The following CAPZA1 variants were observed in gnomAD, a reference collection of about 807,000 sequenced individuals.
The protein encoded by CAPZA1 is capping actin protein of muscle Z-line subunit alpha 1, also known as F-actin-capping protein subunit alpha-1.
A neutral mutation model predicts 40.8 loss-of-function variants in CAPZA1; 10 were observed. The observed-to-expected ratio is 0.25, with a 90% CI of 0.15 to 0.42. The LOEUF (loss-of-function observed/expected upper bound fraction) is 0.42, where lower values mean the gene tolerates loss of function less well. CAPZA1 is among the 10% of genes least tolerant of loss of function. The pLI, the probability that CAPZA1 is intolerant of heterozygous loss-of-function variation, is 1.00. For synonymous variants in CAPZA1, 98 were observed against 115.0 expected (o/e 0.85, Z 0.95); for missense variants, 277 against 353.8 (o/e 0.78, Z 1.74).
chr1:112,640,077 C>T (rs1671114762), intron 1 of CAPZA1, among the ~76,000 whole-genome samples: 2 of 129,502 alleles, frequency 1.5e-5, no homozygotes, highest in South Asian at 2.6e-4. Flanking sequence ...TCTGCCCGGC[C>T]GCCCCTACTG....
chr1:112,651,872 T>C (rs1671395180), intron 3 of CAPZA1, among the ~76,000 whole-genome samples: 1 of 152,076 alleles, frequency 6.6e-6, no homozygotes, highest in African/African-American at 2.4e-5. Context: ...TCCCAGCACT[T>C]TGGGAGGCCA....
chr1:112,667,478 C>T (rs1272636392), intron 8 of CAPZA1, among the ~76,000 whole-genome samples: 2 of 152,162 alleles, frequency 1.3e-5, no homozygotes, highest in African/African-American at 4.8e-5. Flanking sequence ...GCATTTATAT[C>T]ATTAGAGAAA....
chr1:112,652,235 A>G (rs1004187399), intron 3 of CAPZA1, among the ~76,000 whole-genome samples: 9 of 151,828 alleles, frequency 5.9e-5, no homozygotes, highest in South Asian at 2.1e-4. Context: ...TAATCCCAGC[A>G]CTTTGGGAGG....
Position 112,667,097 on chromosome 1 carries a change from T to C in CAPZA1, c.609T>C (p.Asn203=). The part of the protein sequence containing the change: ...KIQVHYYEDG[N]VQLVSHKDVQ... ...AGGTTCACTATTATGAAGATGGCAATGTTCAGTTGGTTAGTCATAAAGATG... is the reference window on the plus strand; with the variant it reads ...AGGTTCACTATTATGAAGATGGCAACGTTCAGTTGGTTAGTCATAAAGATG... The change falls in exon 8 of 10, where the codon AAT becomes AAC. Residue 203 remains asparagine, a synonymous_variant. Coordinates refer to ENST00000263168, the MANE Select transcript of CAPZA1 (RefSeq NM_006135.3). 4 of 1,612,684 alleles carry C rather than the reference T, an allele frequency of 2.5e-6. No individual in the cohort carries two copies. Among genetic ancestry groups the C allele is most frequent in the Non-Finnish European group, 3.4e-6 (4 of 1,179,386 alleles).
At chr1:112,621,449 G>A (rs1413970043) in intron 1 of CAPZA1, among the ~76,000 whole-genome samples, 1 of 152,012 alleles carries the variant, frequency 6.6e-6, no homozygotes, top group Non-Finnish European at 1.5e-5. Flanking sequence ...AGTGGGTTTC[G>A]TCTTGTTGCC....
At chr1:112,669,879 C>T in intron 9 of CAPZA1, 113 bp from the exon 10 acceptor site, 7 of 1,135,782 alleles carry the variant, frequency 6.2e-6, no homozygotes, top group East Asian at 2.4e-5. Context: ...ATAATATATC[C>T]TGTCTATCCT....
chr1:112,662,240 C>T (rs947916425), intron 7 of CAPZA1, among the ~76,000 whole-genome samples: 1 of 152,098 alleles, frequency 6.6e-6, no homozygotes, highest in Admixed American at 6.6e-5. Flanking sequence ...TCCCAAGCAC[C>T]TAGTGCTACA....
At chr1:112,653,408 G>A (rs998383276) in intron 3 of CAPZA1, among the ~76,000 whole-genome samples, 190 bp from the exon 4 acceptor site, 6 of 152,170 alleles carry the variant, frequency 3.9e-5, no homozygotes, top group Non-Finnish European at 5.9e-5. Context: ...CCGTAGAGAG[G>A]AGTCCCTTCA....
At chr1:112,628,636 T>C (rs1383380631) in intron 1 of CAPZA1, among the ~76,000 whole-genome samples, 1 of 152,228 alleles carries the variant, frequency 6.6e-6, no homozygotes, top group Non-Finnish European at 1.5e-5. Flanking sequence ...TATAACAGCA[T>C]TGGACATTTT....
chr1:112,637,137 T>G (rs1671035864), intron 1 of CAPZA1, among the ~76,000 whole-genome samples: 1 of 152,240 alleles, frequency 6.6e-6, no homozygotes, highest in Non-Finnish European at 1.5e-5. Flanking sequence ...CACCCATTTA[T>G]TATAAGCATG....
chr1:112,643,738 GGTTTCATCACAGAGCAGCTTTTCTTT>G (rs1197260577), intron 1 of CAPZA1, among the ~76,000 whole-genome samples: 4 of 152,122 alleles, frequency 2.6e-5, no homozygotes, highest in Non-Finnish European at 5.9e-5. Context: ...CTTGACTAAC[GGTTTCATCACAGAGCAGCTTTTCTTT>G]GTCCTTTTCA....
intron 1 of CAPZA1, among the ~76,000 whole-genome samples, chr1:112,632,078 G>A (rs1670929518): frequency 6.6e-6 from 1 of 152,244 alleles, no homozygotes; most frequent in African/African-American, 2.4e-5. Context: ...GTCAAGGCGG[G>A]CGGATCACCT....
chr1:112,623,324 T>A (rs1046948407), intron 1 of CAPZA1, among the ~76,000 whole-genome samples: 1 of 152,204 alleles, frequency 6.6e-6, no homozygotes, highest in Non-Finnish European at 1.5e-5. Flanking sequence ...ATTAAAACTG[T>A]CATTCTTCCA....
At chr1:112,665,580 A>G (rs1671709294) in intron 7 of CAPZA1, among the ~76,000 whole-genome samples, 1 of 152,214 alleles carries the variant, frequency 6.6e-6, no homozygotes, top group Non-Finnish European at 1.5e-5. Flanking sequence ...TAAGAAGTCC[A>G]AGATCAAGGT....
Position 112,647,494 on chromosome 1 carries a change from A to T in CAPZA1, c.103+221A>T, listed in dbSNP as rs551445507. ...TAAAGCTCCTAACCCATAAATTAGG[A>T]TGCCTATCTTATGTGAGAAAAGATT... On this transcript the variant is annotated intron_variant, in intron 2 of 9. Coordinates refer to ENST00000263168, the MANE Select transcript of CAPZA1 (RefSeq NM_006135.3). Among the ~76,000 whole-genome samples, 20 of 152,384 alleles carry T rather than the reference A, an allele frequency of 1.3e-4. 1 individual carries two copies. In the South Asian group the frequency reaches 3.9e-3, roughly 30 times the overall value.
At chr1:112,643,414 A>G (rs1333519333) in intron 1 of CAPZA1, among the ~76,000 whole-genome samples, 1 of 152,162 alleles carries the variant, frequency 6.6e-6, no homozygotes, top group African/African-American at 2.4e-5. Context: ...AGGGTTCTAA[A>G]ACTTTATGTA....
Position 112,649,429 on chromosome 1 carries a change from C to G in CAPZA1, c.115C>G (p.Leu39Val). Residue 39 changes from leucine to valine, a missense_variant, in exon 3 of 10, where the codon CTA becomes GTA. Leu to Val is a conservative substitution (Grantham distance 32). Coordinates refer to ENST00000263168, the MANE Select transcript of CAPZA1 (RefSeq NM_006135.3). ...FNEVFNDVRL[L>V]LNNDNLLREG... The stretch of plus-strand genomic sequence containing the variant: ...TTTTTCCTCCTCAGACGTTCGGCTA[C>G]TACTTAATAATGACAATCTCCTCAG... The G allele has an allele frequency of 6.2e-7, 1 of 1,612,794 alleles. No individual in the cohort carries two copies.
intron 1 of CAPZA1, among the ~76,000 whole-genome samples, chr1:112,630,439 G>C (rs551442707): frequency 1.3e-5 from 2 of 152,192 alleles, no homozygotes; most frequent in African/African-American, 4.8e-5. Flanking sequence ...CGTCCCCCAG[G>C]TTCAAGCGAT....
At chr1:112,645,246 A>G (rs960161596) in intron 1 of CAPZA1, among the ~76,000 whole-genome samples, 1 of 152,208 alleles carries the variant, frequency 6.6e-6, no homozygotes, top group African/African-American at 2.4e-5. Flanking sequence ...ATTTATGGAA[A>G]ACCAATACCA....
Sources: gnomAD v4.1 joint callset for allele counts (sites outside exome capture counted in the v4.1 genomes callset) on GRCh38, gnomAD v4.1.1 for gene constraint, MANE v1.5 for transcripts, NCBI Gene and HGNC (gene_info 2026-07-23, HGNC 2026-07-21) for gene names.